Variants in CEP126 observed in about 807,000 individuals in gnomAD.
CEP126 encodes centrosomal protein 126, also known as centrosomal protein of 126 kDa.
A neutral mutation model predicts 107.8 loss-of-function variants in CEP126; 74 were observed. The observed-to-expected ratio is 0.69, with a 90% CI of 0.57 to 0.83. The LOEUF is 0.83. Ranked by LOEUF, CEP126 falls within the 40% of genes least tolerant of loss-of-function variation. The pLI, the probability that CEP126 is intolerant of heterozygous loss-of-function variation, is 0.00. For synonymous variants in CEP126, 449 were observed against 446.0 expected, an observed-to-expected ratio of 1.01 and a Z score of -0.08; for missense variants, 1,237 against 1,281.9, an observed-to-expected ratio of 0.96 and a Z score of 0.53.
intron 6 of CEP126, among the ~76,000 whole-genome samples, chr11:101,966,700 A>G (rs1299837084): frequency 6.6e-6 from 1 of 152,160 alleles, no homozygotes; most frequent in Non-Finnish European, 1.5e-5. Context: ...TTTCTATACA[A>G]TTCTGCCTCA....
At chr11:101,941,294 C>T (rs1940660308) in intron 2 of CEP126, among the ~76,000 whole-genome samples, 1 of 152,120 alleles carries the variant, frequency 6.6e-6, no homozygotes, top group Non-Finnish European at 1.5e-5. Context: ...AGCACTAACT[C>T]CCCATGCTAC....
chr11:101,924,392 A>G (rs1202829884), intron 2 of CEP126, among the ~76,000 whole-genome samples: 1 of 152,116 alleles, frequency 6.6e-6, no homozygotes, highest in Non-Finnish European at 1.5e-5. Flanking sequence ...CTGTCCACTT[A>G]CATTGTGGTC....
intron 7 of CEP126, 85 bp downstream of exon 7, chr11:101,978,544 T>A: frequency 1.2e-6 from 1 of 813,412 alleles, no homozygotes; most frequent in Non-Finnish European, 2.1e-6. Context: ...ATGCTCTTGC[T>A]GTAAACTGTA....
In CEP126 at chr11:101,948,146, A is replaced by T; in HGVS notation, c.506+4A>T. 2.0e-6 allele frequency: 3 copies of T among 1,512,652 alleles called. No homozygotes were observed. The highest frequency in any genetic ancestry group is 2.8e-6 in the Non-Finnish European group (3 of 1,090,488). 93.7% of individuals were successfully genotyped at this position (1,512,652 alleles called of 1,614,324 possible). On this transcript the variant is annotated splice_donor_region_variant and intron_variant, in intron 4 of 10. Coordinates refer to ENST00000263468, the MANE Select transcript of CEP126 (RefSeq NM_020802.4). ...GTAGACCAACAATAAACTGGAGGTA[A>T]GTAATTTATGATCATTGTATACAAT...
intron 6 of CEP126, among the ~76,000 whole-genome samples, chr11:101,977,641 A>G (rs544149304): frequency 6.6e-6 from 1 of 151,110 alleles, no homozygotes; most frequent in Admixed American, 6.6e-5. Context: ...AAAAAAAAAA[A>G]AAAAAAAAAG....
At chr11:101,953,922 G>C (rs1310190717) in intron 4 of CEP126, among the ~76,000 whole-genome samples, 1 of 151,970 alleles carries the variant, frequency 6.6e-6, no homozygotes, top group Admixed American at 6.6e-5. Flanking sequence ...ACCAGTTAAT[G>C]TAGAAGCAAT....
rs1941480119 is a variant in CEP126 at position 101,999,321 on chromosome 11, G to C, written c.*1678G>C. 6.6e-6 allele frequency: 1 copy of C among 151,378 alleles called. No individual in the cohort carries two copies. Among genetic ancestry groups the C allele is most frequent in the Non-Finnish European group, 1.5e-5 (1 of 67,918 alleles). 9.4% of individuals were successfully genotyped at this position (151,378 alleles called of 1,614,324 possible). On this transcript the variant is annotated 3_prime_UTR_variant, in exon 11 of 11. Transcript: ENST00000263468. ...CTTTTATTAAAAAAAAAAAAGACAA[G>C]GGTTTATATTCATATACACTAGTAT...
chr11:101,931,229 T>C (rs1014445910), intron 2 of CEP126, among the ~76,000 whole-genome samples: 10 of 152,196 alleles, frequency 6.6e-5, no homozygotes, highest in African/African-American at 2.4e-4. Flanking sequence ...CTTTGTATGA[T>C]GTATATTACT....
intron 5 of CEP126, among the ~76,000 whole-genome samples, chr11:101,960,562 G>A (rs1940957157): frequency 6.6e-6 from 1 of 152,100 alleles, no homozygotes; most frequent in Non-Finnish European, 1.5e-5. Context: ...GCCAAAGGAT[G>A]TGATAAATAG....
At chr11:101,972,274 A>C (rs1202866724) in intron 6 of CEP126, among the ~76,000 whole-genome samples, 2 of 151,052 alleles carry the variant, frequency 1.3e-5, no homozygotes, top group African/African-American at 4.9e-5. Flanking sequence ...AAAATACAAA[A>C]AATTAGCCGG....
At chr11:101,937,928 T>C (rs1054924168) in intron 2 of CEP126, among the ~76,000 whole-genome samples, 1 of 149,950 alleles carries the variant, frequency 6.7e-6, no homozygotes, top group African/African-American at 2.4e-5. Context: ...CCGAGGCGGG[T>C]GGATCATGAG....
chr11:101,918,058 TC>T (rs1179754927), intron 1 of CEP126, among the ~76,000 whole-genome samples: 1 of 152,072 alleles, frequency 6.6e-6, no homozygotes, highest in Non-Finnish European at 1.5e-5. Flanking sequence ...ACAGGTCTGT[TC>T]CAACAAACAG....
Position 101,978,413 on chromosome 11 carries a change from G to C in CEP126, c.2912G>C (p.Arg971Thr), listed in dbSNP as rs1207841818. ...CGGAGAAATATTTTAGAGCAGAAAA[G>C]ACAAAACCCTGGATCTGTAGGACAG... ...TKRRNILEQK[R>T]QNPGSVGQKY... Residue 971 changes from arginine (R) to threonine (T), a missense_variant, in exon 7 of 11, where the codon AGA becomes ACA. Coordinates refer to ENST00000263468, the MANE Select transcript of CEP126 (RefSeq NM_020802.4). The C allele has an allele frequency of 6.2e-7, 1 of 1,613,544 alleles. No homozygotes were observed. The highest frequency in any genetic ancestry group is 1.1e-5 in the South Asian group (1 of 91,066).
At chr11:101,956,983 C>A in intron 4 of CEP126, 1 of 306,716 alleles carries the variant, frequency 3.3e-6, no homozygotes, top group Non-Finnish European at 6.3e-6. Flanking sequence ...GTAGATATAG[C>A]AATATTTTGT....
chr11:101,962,284 T>C lies in CEP126; in HGVS notation c.1249T>C (p.Phe417Leu). The change falls in exon 6 of 11, where the codon TTT becomes CTT. Residue 417 changes from phenylalanine to leucine, a missense_variant. This residue lies in a region of CEP126 where 1,134 missense variants were observed against 1,150.5 expected (regional missense o/e 0.99). Transcript: ENST00000263468. The part of the protein sequence containing the change: ...PLVTESPTFK[F>L]SKSQSTSDSL... Reference sequence around the variant, plus strand: ...AGTTACTGAGAGCCCAACATTTAAATTTAGCAAATCCCAAAGCACTTCAGA... The same window carrying C: ...AGTTACTGAGAGCCCAACATTTAAACTTAGCAAATCCCAAAGCACTTCAGA... The C allele has an allele frequency of 1.2e-6, 2 of 1,613,734 alleles. No individual in the cohort carries two copies. The highest frequency in any genetic ancestry group is 8.5e-7 in the Non-Finnish European group (1 of 1,179,830).
intron 1 of CEP126, among the ~76,000 whole-genome samples, chr11:101,919,101 AAC>A (rs1463923433): frequency 1.3e-5 from 2 of 152,206 alleles, no homozygotes; most frequent in African/African-American, 4.8e-5. Context: ...AACAAAGAGA[AAC>A]ACAATCAGAT....
At chr11:101,974,604 A>G (rs12576566) in intron 6 of CEP126, among the ~76,000 whole-genome samples, 8,999 of 152,200 alleles carry the variant, frequency 0.059, 490 homozygotes, top group East Asian at 0.27. Flanking sequence ...GATTAAGAAT[A>G]CTACAGATTT....
intron 1 of CEP126, chr11:101,916,529 T>C (rs1940216794): frequency 6.6e-6 from 1 of 152,230 alleles, no homozygotes; most frequent in Non-Finnish European, 1.5e-5. Context: ...CATCTATTCA[T>C]TATTAACCCC....
intron 7 of CEP126, among the ~76,000 whole-genome samples, chr11:101,980,149 T>G (rs117527784): frequency 0.013 from 1,950 of 152,284 alleles, 21 homozygotes; most frequent in Middle Eastern, 0.037. Context: ...GTTAATCACA[T>G]TACCCATATA....
Sources: gnomAD v4.1 joint callset for allele counts (sites outside exome capture counted in the v4.1 genomes callset) on GRCh38, gnomAD v4.1.1 for gene constraint, gnomAD v4.1.1 regional missense constraint, MANE v1.5 for transcripts, NCBI Gene and HGNC (gene_info 2026-07-23, HGNC 2026-07-21) for gene names.